ZNF362: variants seen among roughly 807,000 people sequenced by gnomAD.
The protein encoded by ZNF362 is rotund homolog.
A neutral mutation model predicts 42.9 loss-of-function variants in ZNF362; 11 were observed. The observed-to-expected ratio is 0.26, with a 90% confidence interval of 0.16 to 0.42. ZNF362 has a LOEUF of 0.42. Ranked by LOEUF, ZNF362 falls within the 20% of genes least tolerant of loss-of-function variation. The pLI is 1.00. For synonymous variants in ZNF362, 255 were observed against 257.3 expected (o/e 0.99, Z 0.09); for missense variants, 362 against 576.2 (o/e 0.63, Z 3.81).
Position 33,256,596 on chromosome 1 carries a change from CTCGG to C in ZNF362, c.-146_-143del, listed in dbSNP as rs1645792775. 6.8e-6 allele frequency: 1 copy of C among 146,574 alleles called. No homozygotes were observed. 9.1% of individuals were successfully genotyped at this position (146,574 alleles called of 1,614,324 possible). A position where few individuals can be genotyped will look rare whatever the true frequency, so the allele number is the denominator to read the frequency against. ...GTGCCGGAGCCCCAGCCCGGCCCTG[CTCGG>C]GCCGCCGGGCGCGGGGCTGCGGCCG... On this transcript the variant is annotated 5_prime_UTR_variant, in exon 1 of 9. Coordinates refer to ENST00000539719, the MANE Select transcript of ZNF362 (RefSeq NM_152493.3).
At chr1:33,267,961 A>T (rs907809838) in intron 1 of ZNF362, among the ~76,000 whole-genome samples, 1 of 152,250 alleles carries the variant, frequency 6.6e-6, no homozygotes. Flanking sequence ...TACAGTTTAC[A>T]CTCCCACCAA....
chr1:33,263,012 A>G (rs984054414), intron 1 of ZNF362, among the ~76,000 whole-genome samples: 3 of 152,272 alleles, frequency 2.0e-5, no homozygotes, highest in African/African-American at 7.2e-5. Context: ...ATGCCTGATC[A>G]TCTGCACATT....
chr1:33,268,862 A>C (rs1266890053), intron 1 of ZNF362, among the ~76,000 whole-genome samples: 1 of 152,190 alleles, frequency 6.6e-6, no homozygotes, highest in Non-Finnish European at 1.5e-5. Flanking sequence ...TAGGAAGGGC[A>C]GGGTTATGAT....
chr1:33,160,003 T>A, the ZNF362 span: 14 of 1,569,258 alleles, frequency 8.9e-6, no homozygotes, highest in Non-Finnish European at 1.2e-5. Flanking sequence ...GATCTCTGGG[T>A]GAGAGGAGGA....
chr1:33,143,448 A>AGGATGG, the ZNF362 span, among the ~76,000 whole-genome samples: 13 of 152,168 alleles, frequency 8.5e-5, no homozygotes, highest in African/African-American at 2.4e-4. Flanking sequence ...GGGATCTGAG[A>AGGATGG]GGATGGGGGA....
intron 1 of ZNF362, chr1:33,261,205 T>G (rs1377701745): frequency 6.6e-6 from 1 of 152,054 alleles, no homozygotes; most frequent in East Asian, 1.9e-4. Context: ...GGAATCCTTT[T>G]CCCACACCTT....
At chr1:33,139,924 C>T in the ZNF362 span, among the ~76,000 whole-genome samples, 1 of 152,136 alleles carries the variant, frequency 6.6e-6, no homozygotes, top group Non-Finnish European at 1.5e-5. Flanking sequence ...TTTCTAAGAT[C>T]CCACCATCAG....
chr1:33,170,797 A>G, the ZNF362 span, among the ~76,000 whole-genome samples: 1 of 152,114 alleles, frequency 6.6e-6, no homozygotes, highest in Non-Finnish European at 1.5e-5. Flanking sequence ...CTAGGATGTC[A>G]CCTAACCTCT....
Position 33,264,021 on chromosome 1 carries a change from T to C in ZNF362, c.-88-6466T>C, listed in dbSNP as rs566080474. 4.6e-5 allele frequency among the ~76,000 whole-genome samples: 7 copies of C among 152,272 alleles called. No individual in the cohort carries two copies. In the East Asian group the frequency reaches 1.4e-3, roughly 29 times the overall value. ...GCTGTGGCCTGCTTGGGGCCTGCTCTGTCTGCTGGCCTGCACCCCAGGCTG... is the reference window on the plus strand; with the variant it reads ...GCTGTGGCCTGCTTGGGGCCTGCTCCGTCTGCTGGCCTGCACCCCAGGCTG... On this transcript the variant is annotated intron_variant, in intron 1 of 8. Coordinates refer to ENST00000539719, the MANE Select transcript of ZNF362 (RefSeq NM_152493.3).
Position 33,280,122 on chromosome 1 carries a change from A to G in ZNF362, c.350-2A>G. 6.4e-7 allele frequency: 1 copy of G among 1,554,286 alleles called. No homozygotes were observed. Reference sequence around the variant, plus strand: ...CCTGCCCCCACCCACCTGTCTTCGCAGGTCTGGGGCTGTCCACCCGGACCC... The same window carrying G: ...CCTGCCCCCACCCACCTGTCTTCGCGGGTCTGGGGCTGTCCACCCGGACCC... On this transcript the variant is annotated splice_acceptor_variant, in intron 4 of 8. Transcript: ENST00000539719. LOFTEE classifies it high-confidence loss of function. The surrounding 1 kb of genome is among the most constrained non-coding windows in gnomAD (Gnocchi z 5.6).
chr1:33,166,667 C>G, the ZNF362 span, among the ~76,000 whole-genome samples: 5 of 152,132 alleles, frequency 3.3e-5, no homozygotes, highest in Admixed American at 3.3e-4. Flanking sequence ...CCCGGACAGC[C>G]TGGTTGTGGA....
rs1275980292 is a variant in ZNF362 at position 33,294,453 on chromosome 1, C to T, written c.909-484C>T. ...TACTGGGGTGACCATGCAGCTGTCA[C>T]GGAGATGTGCCTGACATGGGGTAGG... On this transcript the variant is annotated intron_variant, in intron 6 of 8. Coordinates refer to ENST00000539719, the MANE Select transcript of ZNF362 (RefSeq NM_152493.3). This position sits in a 1 kb window ranked among gnomAD's most constrained non-coding sequence, Gnocchi z 4.2. Among the ~76,000 whole-genome samples the T allele has an allele frequency of 1.3e-5, 2 of 152,104 alleles. No individual in the cohort carries two copies. The highest frequency in any genetic ancestry group is 6.6e-5 in the Admixed American group (1 of 15,264).
At chr1:33,214,001 C>G in the ZNF362 span, among the ~76,000 whole-genome samples, 1 of 152,018 alleles carries the variant, frequency 6.6e-6, no homozygotes. Flanking sequence ...ATGATGTATA[C>G]TTAACTTCAT....
chr1:33,229,070 T>C, the ZNF362 span, among the ~76,000 whole-genome samples: 2 of 151,868 alleles, frequency 1.3e-5, no homozygotes, highest in Admixed American at 6.6e-5. Context: ...CACATTTCCT[T>C]CCGCCTCTGT....
the ZNF362 span, among the ~76,000 whole-genome samples, chr1:33,173,555 G>A: frequency 6.6e-6 from 1 of 151,898 alleles, no homozygotes; most frequent in Non-Finnish European, 1.5e-5. Flanking sequence ...TAGCCACAAC[G>A]AACCACCTGA....
the ZNF362 span, among the ~76,000 whole-genome samples, chr1:33,203,489 A>G: frequency 3.3e-5 from 5 of 152,170 alleles, no homozygotes; most frequent in Non-Finnish European, 5.9e-5. Context: ...GTATATACCC[A>G]CAAGAAGGAT....
At chr1:33,194,097 T>G in the ZNF362 span, among the ~76,000 whole-genome samples, 1 of 152,112 alleles carries the variant, frequency 6.6e-6, no homozygotes, top group East Asian at 1.9e-4. Flanking sequence ...AAAAATGAAC[T>G]ATTAAAAATG....
At chr1:33,162,243 A>G in the ZNF362 span, among the ~76,000 whole-genome samples, 1 of 152,048 alleles carries the variant, frequency 6.6e-6, no homozygotes, top group African/African-American at 2.4e-5. Context: ...GGACCTTCTC[A>G]ATTTAACCCT....
At chr1:33,230,853 T>G in the ZNF362 span, among the ~76,000 whole-genome samples, 1 of 152,222 alleles carries the variant, frequency 6.6e-6, no homozygotes, top group Admixed American at 6.5e-5. Flanking sequence ...AAAGAAAATA[T>G]AGATGTAATC....
Sources: allele counts gnomAD v4.1 joint callset (sites outside exome capture counted in the v4.1 genomes callset), GRCh38; gene constraint gnomAD v4.1.1; non-coding constraint Gnocchi (gnomAD v3.1); transcripts MANE v1.5; gene names NCBI Gene and HGNC (gene_info 2026-07-23, HGNC 2026-07-21).